The following TRAK2 variants were observed in gnomAD, a reference collection of about 807,000 sequenced individuals.
The protein encoded by TRAK2 is trafficking kinesin-binding protein 2.
Under a neutral mutation model 104.6 loss-of-function variants are expected in TRAK2, and 81 were observed. The ratio of observed to expected loss-of-function variants is 0.77; its 90% confidence interval spans 0.65 to 0.93. TRAK2 has a LOEUF of 0.93. Ranked by LOEUF, TRAK2 falls within the 40% of genes least tolerant of loss-of-function variation. TRAK2 has a pLI of 0.00. For synonymous variants in TRAK2, 406 were observed against 394.4 expected (o/e 1.03, Z -0.35); for missense variants, 1,002 against 1,089.0 (o/e 0.92, Z 1.12).
At chr2:201,383,364 A>G (rs1951360080) in intron 15 of TRAK2, among the ~76,000 whole-genome samples, 1 of 152,210 alleles carries the variant, frequency 6.6e-6, no homozygotes, top group South Asian at 2.1e-4. Context: ...CAAAAAGACC[A>G]ACCACGTGAT....
At chr2:201,397,407 G>A in intron 7 of TRAK2, 95 bp downstream of exon 7, 1 of 750,504 alleles carries the variant, frequency 1.3e-6, no homozygotes, top group Non-Finnish European at 2.2e-6. Context: ...TTCTTGAGAT[G>A]CTTCTACTGA....
intron 1 of TRAK2, among the ~76,000 whole-genome samples, chr2:201,444,884 C>A (rs1951953060): frequency 6.6e-6 from 1 of 151,972 alleles, no homozygotes; most frequent in Non-Finnish European, 1.5e-5. Flanking sequence ...TGGGGGAATT[C>A]TTTCACCATT....
At chr2:201,448,964 GGT>G (rs1951987612) in intron 1 of TRAK2, among the ~76,000 whole-genome samples, 1 of 152,152 alleles carries the variant, frequency 6.6e-6, no homozygotes, top group Admixed American at 6.5e-5. Context: ...TGAGATTACA[GGT>G]GTGAGTCACC....
chr2:201,446,824 G>A (rs1001109280), intron 1 of TRAK2, among the ~76,000 whole-genome samples: 50 of 152,180 alleles, frequency 3.3e-4, no homozygotes, highest in African/African-American at 1.2e-3. Flanking sequence ...TTTTTAGAGT[G>A]GAAAAATCTG....
At position 201,394,882 on chromosome 2, in the gene TRAK2, T is replaced by C. The variant is rs575117078; in HGVS notation, c.901-10A>G. 3 of 1,610,992 alleles carry C rather than the reference T, an allele frequency of 1.9e-6. No homozygotes were observed. The highest frequency in any genetic ancestry group is 2.2e-5 in the East Asian group (1 of 44,806). The stretch of plus-strand genomic sequence containing the variant: ...CCTTCTCAATCACATGCTAACAACA[T>C]ATTAAAAAAGACATGTGAAGCCTTT... On this transcript the variant is annotated splice_polypyrimidine_tract_variant and intron_variant, in intron 8 of 15. Coordinates refer to ENST00000332624, the MANE Select transcript of TRAK2 (RefSeq NM_015049.3).
intron 2 of TRAK2, among the ~76,000 whole-genome samples, chr2:201,409,551 A>T (rs1205085934): frequency 6.6e-6 from 1 of 152,214 alleles, no homozygotes; most frequent in Middle Eastern, 3.2e-3. Context: ...AAAATACATT[A>T]CCATTTGAGG....
At position 201,395,242 on chromosome 2, in the gene TRAK2, T is replaced by C. The variant is rs1312951236; in HGVS notation, c.900+72A>G. 8 of 1,327,544 alleles carry C rather than the reference T, an allele frequency of 6.0e-6. No homozygotes were observed. The South Asian group carries it at 1.1e-4, about 18-fold the overall frequency. The allele number at this position is 1,327,544 out of a possible 1,614,324, so 82.2% of individuals were successfully genotyped here. ...CAATGTTTATTTTGTTTATTGTATCTAGCACTTAGCATGGTGCAAGATACT... is the reference window on the plus strand; with the variant it reads ...CAATGTTTATTTTGTTTATTGTATCCAGCACTTAGCATGGTGCAAGATACT... On this transcript the variant is annotated intron_variant, in intron 8 of 15. Coordinates refer to ENST00000332624, the MANE Select transcript of TRAK2 (RefSeq NM_015049.3).
chr2:201,399,522 T>C (rs921163008), intron 4 of TRAK2, 29 bp from the exon 5 acceptor site: 13 of 1,563,068 alleles, frequency 8.3e-6, no homozygotes, highest in Admixed American at 1.7e-5. Context: ...CACCTTTTCT[T>C]TGAGTATAAA....
chr2:201,404,722 G>C (rs1951578636), intron 3 of TRAK2, among the ~76,000 whole-genome samples: 1 of 152,118 alleles, frequency 6.6e-6, no homozygotes, highest in South Asian at 2.1e-4. Flanking sequence ...ATTTCAAAAA[G>C]AATTCTAATC....
chr2:201,411,766 C>A (rs1166528085), intron 2 of TRAK2: 5 of 788,232 alleles, frequency 6.3e-6, no homozygotes, highest in Non-Finnish European at 1.2e-5. Flanking sequence ...AACCACTTAT[C>A]CAAGTATTCC....
intron 14 of TRAK2, among the ~76,000 whole-genome samples, chr2:201,384,694 A>C (rs1234071567): frequency 6.6e-6 from 1 of 152,240 alleles, no homozygotes; most frequent in African/African-American, 2.4e-5. Context: ...GCACAAAACA[A>C]GGCAATATCA....
chr2:201,444,715 A>C (rs947926112), intron 1 of TRAK2, among the ~76,000 whole-genome samples: 5 of 151,958 alleles, frequency 3.3e-5, no homozygotes, highest in African/African-American at 1.2e-4. Flanking sequence ...GTTAGAGAAC[A>C]AAGGTAGGCA....
chr2:201,439,020 T>C (rs79707816), intron 1 of TRAK2, among the ~76,000 whole-genome samples: 18 of 152,346 alleles, frequency 1.2e-4, no homozygotes, highest in African/African-American at 3.8e-4. Flanking sequence ...AAATGGAACA[T>C]AGATAAAAAA....
intron 1 of TRAK2, among the ~76,000 whole-genome samples, chr2:201,437,857 G>A (rs1016441283): frequency 2.0e-5 from 3 of 152,094 alleles, no homozygotes; most frequent in African/African-American, 7.2e-5. Flanking sequence ...ACCTCTAAAT[G>A]TACACACAAA....
intron 3 of TRAK2, among the ~76,000 whole-genome samples, chr2:201,402,766 C>T (rs1379420319): frequency 6.6e-6 from 1 of 152,030 alleles, no homozygotes; most frequent in African/African-American, 2.4e-5. Flanking sequence ...TTACAGAAAA[C>T]CAGACAATGG....
chr2:201,414,151 T>C (rs186813410), intron 2 of TRAK2, among the ~76,000 whole-genome samples: 1 of 152,276 alleles, frequency 6.6e-6, no homozygotes, highest in African/African-American at 2.4e-5. Context: ...CTCTCTCACT[T>C]GCACACCTAT....
In TRAK2 at chr2:201,407,414, A is replaced by G. The variant is rs1319252246; in HGVS notation, c.275T>C (p.Phe92Ser). ...AAAAAAATACTCACTCATGTAACGG[A>G]AAGTCTCTTCAGCAAGGACTGGAGA... Reference protein sequence around the residue: ...ALSPVLAEETFRYMILGTDRV... With the variant: ...ALSPVLAEETSRYMILGTDRV... Residue 92 changes from phenylalanine (F) to serine (S), a missense_variant, in exon 3 of 16, where the codon TTC (phenylalanine) becomes TCC (serine). Phe to Ser is a radical substitution (Grantham distance 155, BLOSUM62 -2). Transcript: ENST00000332624. 1.2e-6 allele frequency: 2 copies of G among 1,613,470 alleles called. No individual in the cohort carries two copies. Among genetic ancestry groups the G allele is most frequent in the Non-Finnish European group, 1.7e-6 (2 of 1,179,744 alleles).
chr2:201,417,241 CA>C (rs61702415), intron 2 of TRAK2, among the ~76,000 whole-genome samples: 42,679 of 88,468 alleles, frequency 0.48, 6,855 homozygotes, highest in South Asian at 0.71. Context: ...GAAGACATTG[CA>C]AAAAAAAAAA....
chr2:201,423,214 C>T (rs1951758514), intron 1 of TRAK2, among the ~76,000 whole-genome samples: 1 of 152,114 alleles, frequency 6.6e-6, no homozygotes. Context: ...TCTGAGATTA[C>T]AGGCATGAGC....
Sources: gnomAD v4.1 joint callset for allele counts (sites outside exome capture counted in the v4.1 genomes callset) on GRCh38, gnomAD v4.1.1 for gene constraint, MANE v1.5 for transcripts, NCBI Gene and HGNC (gene_info 2026-07-23, HGNC 2026-07-21) for gene names.